The following DOCK10 variants were observed in gnomAD, a reference collection of about 807,000 sequenced individuals.
DOCK10 encodes the protein dedicator of cytokinesis 10.
Under a neutral mutation model 280.1 loss-of-function variants are expected in DOCK10, and 145 were observed. The ratio of observed to expected loss-of-function variants is 0.52; its 90% CI spans 0.45 to 0.59. The LOEUF (loss-of-function observed/expected upper bound fraction) is 0.59. DOCK10 is among the 20% of genes least tolerant of loss of function. DOCK10 has a pLI of 0.00. For missense variants in DOCK10, 2,368 were observed against 2,651.7 expected (o/e 0.89, Z 2.35); for synonymous variants, 915 against 942.2 (o/e 0.97, Z 0.53).
Position 224,774,923 on chromosome 2 carries a change from G to T in DOCK10, c.5995C>A (p.Arg1999=). ...CACCTACTTGTCAGGATCGTCCGCC[G>T]CTTGCACTGCTCCGCCACCCCACCG... ...KHGGVAEQCK[R]RTILTTSHLF... Residue 1999 remains arginine (R), a synonymous_variant, in exon 52 of 56, where the codon CGG becomes AGG. Coordinates refer to ENST00000258390, the MANE Select transcript of DOCK10 (RefSeq NM_014689.3). 6.3e-7 allele frequency: 1 copy of T among 1,599,918 alleles called. No homozygotes were observed. Among genetic ancestry groups the T allele is most frequent in the South Asian group, 1.1e-5 (1 of 88,932 alleles).
intron 11 of DOCK10, among the ~76,000 whole-genome samples, chr2:224,870,427 C>T (rs1438463754): frequency 6.6e-6 from 1 of 152,114 alleles, no homozygotes; most frequent in Non-Finnish European, 1.5e-5. Context: ...TTTTAAAATC[C>T]TGCCTGAAAG....
At chr2:224,832,332 G>A (rs1695290782) in intron 26 of DOCK10, among the ~76,000 whole-genome samples, 1 of 152,088 alleles carries the variant, frequency 6.6e-6, no homozygotes, top group Non-Finnish European at 1.5e-5. Context: ...CGTTTATGTT[G>A]AAGCACGTAG....
chr2:225,029,284 C>A (rs1350393154), intron 1 of DOCK10, among the ~76,000 whole-genome samples: 3 of 152,170 alleles, frequency 2.0e-5, no homozygotes, highest in African/African-American at 7.2e-5. Context: ...TGATTTTCCT[C>A]CCTCAGCTTC....
At chr2:224,931,976 A>G (rs1575077394) in intron 1 of DOCK10, among the ~76,000 whole-genome samples, 1 of 152,184 alleles carries the variant, frequency 6.6e-6, no homozygotes, top group African/African-American at 2.4e-5. Flanking sequence ...TGTAAATTTT[A>G]TCTTTGTCAA....
chr2:224,911,586 C>T (rs1405091524), intron 3 of DOCK10, among the ~76,000 whole-genome samples: 1 of 152,154 alleles, frequency 6.6e-6, no homozygotes, highest in Non-Finnish European at 1.5e-5. Context: ...TGGCCCCTAT[C>T]TTGAAAGCAT....
At chr2:224,897,358 G>C (rs1287347562) in intron 3 of DOCK10, among the ~76,000 whole-genome samples, 1 of 152,150 alleles carries the variant, frequency 6.6e-6, no homozygotes, top group African/African-American at 2.4e-5. Flanking sequence ...CCACATCATG[G>C]AAAATGGGGT....
At chr2:225,002,887 T>C (rs2126287389) in intron 1 of DOCK10, among the ~76,000 whole-genome samples, 1 of 152,240 alleles carries the variant, frequency 6.6e-6, no homozygotes, top group South Asian at 2.1e-4. Flanking sequence ...CACAGAATGT[T>C]GTTGGTCGCT....
intron 1 of DOCK10, among the ~76,000 whole-genome samples, chr2:225,025,340 T>A (rs1284212944): frequency 6.6e-6 from 1 of 152,062 alleles, no homozygotes; most frequent in Non-Finnish European, 1.5e-5. Flanking sequence ...GACACTGGAG[T>A]TCGAAACTCC....
intron 14 of DOCK10, among the ~76,000 whole-genome samples, chr2:224,857,260 T>C (rs562118541): frequency 2.8e-4 from 43 of 152,314 alleles, no homozygotes; most frequent in African/African-American, 1.0e-3. Context: ...TATCAAAACC[T>C]TGGAGTATCA....
At position 224,787,390 on chromosome 2, in the gene DOCK10, A is replaced by T; in HGVS notation, c.5426T>A (p.Leu1809Gln). Residue 1809 changes from leucine (L) to glutamine (Q), a missense_variant, in exon 49 of 56, where the codon CTG becomes CAG. Leu to Gln is a moderately radical substitution (Grantham distance 113). Coordinates refer to ENST00000258390, the MANE Select transcript of DOCK10 (RefSeq NM_014689.3). ...MQDTPYNENI[L>Q]VEQLYMCVEF... ...CACACACATGTATAGCTGCTCCACC[A>T]GGATATTCTGCAATTCCCCCAATCA... is the stretch of plus-strand genomic sequence containing the variant. The T allele has an allele frequency of 6.2e-7, 1 of 1,613,864 alleles. No individual in the cohort carries two copies. Among genetic ancestry groups the T allele is most frequent in the African/African-American group, 1.3e-5 (1 of 75,058 alleles).
intron 7 of DOCK10, among the ~76,000 whole-genome samples, chr2:224,881,887 A>G (rs1293864471): frequency 6.6e-6 from 1 of 152,216 alleles, no homozygotes; most frequent in Admixed American, 6.5e-5. Flanking sequence ...CCACGTCTAC[A>G]TAGTCCAAGC....
At chr2:224,817,220 C>T (rs369456654) in intron 29 of DOCK10, among the ~76,000 whole-genome samples, 4 of 152,298 alleles carry the variant, frequency 2.6e-5, no homozygotes, top group African/African-American at 9.6e-5. Context: ...CGTCTTTCCT[C>T]CCTGCCCTTG....
rs1697190126 is a variant in DOCK10, at chr2:224,856,967, G to A, written c.1701C>T (p.Asp567=). The change falls in exon 15 of 56, where the codon GAC becomes GAT. Residue 567 remains aspartate (D), a synonymous_variant. Coordinates refer to ENST00000258390, the MANE Select transcript of DOCK10 (RefSeq NM_014689.3). The part of the protein sequence containing the change: ...FAWAVRSVFK[D]NQGNVDRDSR... ...AGTCTCTGTCCACATTTCCCTGGTT[G>A]TCCTTAAATACTGATCTAAAAGAAA... is the stretch of plus-strand genomic sequence containing the variant. 6.2e-7 allele frequency: 1 copy of A among 1,610,634 alleles called. No individual in the cohort carries two copies.
At chr2:224,782,543 T>C (rs1691428457) in intron 50 of DOCK10, among the ~76,000 whole-genome samples, 1 of 152,240 alleles carries the variant, frequency 6.6e-6, no homozygotes, top group South Asian at 2.1e-4. Context: ...GGCTGCTATA[T>C]GTCAAATTTC....
chr2:224,864,831 A>G, intron 12 of DOCK10, 35 bp downstream of exon 12: 1 of 1,611,532 alleles, frequency 6.2e-7, no homozygotes, highest in Non-Finnish European at 8.5e-7. Context: ...TGGTACAAGC[A>G]TTTTCCATCT....
chr2:224,902,169 A>G (rs1256900782), intron 3 of DOCK10, among the ~76,000 whole-genome samples: 1 of 152,224 alleles, frequency 6.6e-6, no homozygotes, highest in Non-Finnish European at 1.5e-5. Flanking sequence ...CATGTTACAT[A>G]CCTCAAATAG....
intron 1 of DOCK10, among the ~76,000 whole-genome samples, chr2:224,952,592 A>ATTTT (rs869058280): frequency 1.4e-5 from 2 of 143,542 alleles, no homozygotes; most frequent in African/African-American, 2.6e-5. Context: ...CAATTATGTT[A>ATTTT]TTTTTTTTTT....
chr2:224,876,002 G>T (rs371961269), intron 8 of DOCK10, 36 bp downstream of exon 8: 107 of 1,596,812 alleles, frequency 6.7e-5, no homozygotes, highest in Non-Finnish European at 8.4e-5. Context: ...AGGTCACACT[G>T]GACAAAGGAA....
chr2:224,917,814 A>G (rs1701420991), intron 2 of DOCK10, among the ~76,000 whole-genome samples: 1 of 152,222 alleles, frequency 6.6e-6, no homozygotes, highest in South Asian at 2.1e-4. Context: ...GAAATGCCCT[A>G]AAACAGCAAG....
Sources: allele counts gnomAD v4.1 joint callset (sites outside exome capture counted in the v4.1 genomes callset), GRCh38; gene constraint gnomAD v4.1.1; transcripts MANE v1.5; gene names NCBI Gene and HGNC (gene_info 2026-07-23, HGNC 2026-07-21).